The following RAPGEF4 variants were observed in gnomAD, a reference collection of about 807,000 sequenced individuals.
The protein encoded by RAPGEF4 is Rap guanine nucleotide exchange factor 4, also known as RAP guanine-nucleotide-exchange factor (GEF) 4.
A neutral mutation model predicts 147.9 loss-of-function variants in RAPGEF4; 66 were observed. The ratio of observed to expected loss-of-function variants is 0.45; its 90% CI spans 0.37 to 0.55. RAPGEF4 has a LOEUF of 0.55. Among genes scored for constraint, RAPGEF4 ranks in the 20% least tolerant of loss-of-function variants. The probability of loss-of-function intolerance (pLI) is 0.00; values close to 1 mark genes in which losing one functional copy is unlikely to be tolerated. For synonymous variants in RAPGEF4, 419 were observed against 442.7 expected (o/e 0.95, Z 0.67); for missense variants, 1,071 against 1,257.3 (o/e 0.85, Z 2.24).
intron 1 of RAPGEF4, among the ~76,000 whole-genome samples, chr2:172,764,084 C>A (rs1226200592): frequency 6.6e-6 from 1 of 151,850 alleles, no homozygotes; most frequent in African/African-American, 2.4e-5. Flanking sequence ...AGACTCTTGT[C>A]TCTACAAAAA....
intron 4 of RAPGEF4, chr2:172,889,920 G>A (rs1367821942): frequency 1.5e-6 from 1 of 674,580 alleles, no homozygotes; most frequent in East Asian, 1.4e-4. Flanking sequence ...TTATCTACCA[G>A]CGTCTGGGAA....
At chr2:172,847,533 G>T (rs79004963) in intron 4 of RAPGEF4, among the ~76,000 whole-genome samples, 15 of 152,144 alleles carry the variant, frequency 9.9e-5, no homozygotes, top group African/African-American at 3.6e-4. Flanking sequence ...GGGACAGGAC[G>T]CATCGTGTGT....
chr2:173,026,763 A>T, intron 24 of RAPGEF4, 66 bp downstream of exon 24: 1 of 1,575,520 alleles, frequency 6.3e-7, no homozygotes, highest in South Asian at 1.2e-5. Context: ...GGCATTGCTT[A>T]GTTTGTAAGT....
intron 10 of RAPGEF4, among the ~76,000 whole-genome samples, chr2:172,977,391 G>C (rs768336327): frequency 5.9e-5 from 9 of 152,172 alleles, no homozygotes; most frequent in Non-Finnish European, 8.8e-5. Flanking sequence ...CAGTGATTGT[G>C]GTGGGGAACG....
At chr2:172,851,078 T>G (rs1692766368) in intron 4 of RAPGEF4, among the ~76,000 whole-genome samples, 1 of 152,222 alleles carries the variant, frequency 6.6e-6, no homozygotes, top group Non-Finnish European at 1.5e-5. Flanking sequence ...TACGAGTGTT[T>G]AGCACTATAA....
chr2:172,954,918 G>A (rs1688578471), intron 6 of RAPGEF4, among the ~76,000 whole-genome samples: 1 of 152,146 alleles, frequency 6.6e-6, no homozygotes, highest in South Asian at 2.1e-4. Flanking sequence ...AAGACCAAGA[G>A]CCCATTTTGG....
intron 4 of RAPGEF4, among the ~76,000 whole-genome samples, chr2:172,831,480 G>A (rs1690349944): frequency 6.6e-6 from 1 of 151,580 alleles, no homozygotes; most frequent in Admixed American, 6.6e-5. Flanking sequence ...TGTTGGCCAG[G>A]TTGGTCTCGA....
intron 4 of RAPGEF4, among the ~76,000 whole-genome samples, chr2:172,847,459 T>C (rs976077437): frequency 6.6e-6 from 1 of 152,200 alleles, no homozygotes; most frequent in Non-Finnish European, 1.5e-5. Context: ...TGGCTCATGC[T>C]CTCAGCCTCC....
At chr2:172,756,710 G>T (rs1281731370) in intron 1 of RAPGEF4, among the ~76,000 whole-genome samples, 1 of 152,110 alleles carries the variant, frequency 6.6e-6, no homozygotes, top group South Asian at 2.1e-4. Context: ...ATTTGTTCAG[G>T]ACCTTGCAGT....
intron 10 of RAPGEF4, 38 bp downstream of exon 10, chr2:172,967,482 A>G: frequency 6.3e-7 from 1 of 1,587,112 alleles, no homozygotes; most frequent in Non-Finnish European, 8.6e-7. Context: ...CCAGGTCCCA[A>G]GGCCGCCTAG....
intron 4 of RAPGEF4, among the ~76,000 whole-genome samples, chr2:172,888,359 G>A (rs919412557): frequency 1.3e-5 from 2 of 152,222 alleles, no homozygotes; most frequent in Admixed American, 1.3e-4. Flanking sequence ...ATCTCAGTCT[G>A]TTGTCCTTTC....
chr2:172,795,248 A>G, intron 2 of RAPGEF4, 81 bp downstream of exon 2: 3 of 1,396,546 alleles, frequency 2.1e-6, no homozygotes, highest in Admixed American at 1.8e-5. Flanking sequence ...TAAATAGCAA[A>G]TGGAGTATTT....
At chr2:172,838,985 G>A (rs1337502157) in intron 4 of RAPGEF4, among the ~76,000 whole-genome samples, 1 of 152,188 alleles carries the variant, frequency 6.6e-6, no homozygotes, top group Non-Finnish European at 1.5e-5. Context: ...TGCATCCTTT[G>A]ATCCCCATCA....
At position 173,051,845 on chromosome 2, in the gene RAPGEF4, G is replaced by C; in HGVS notation, c.*78G>C. 2 of 1,518,454 alleles carry C rather than the reference G, an allele frequency of 1.3e-6. No individual in the cohort carries two copies. Among genetic ancestry groups the C allele is most frequent in the East Asian group, 2.3e-5 (1 of 43,846 alleles). 94.1% of individuals were successfully genotyped at this position (1,518,454 alleles called of 1,614,324 possible). ...AATGCCATTTATGCTACTACTGACT[G>C]TATTGCCACTAGAGAATTCTACAAA... On this transcript the variant is annotated 3_prime_UTR_variant, in exon 31 of 31. Coordinates refer to ENST00000397081, the MANE Select transcript of RAPGEF4 (RefSeq NM_007023.4).
At chr2:172,800,359 G>C (rs1686846001) in intron 3 of RAPGEF4, among the ~76,000 whole-genome samples, 1 of 152,210 alleles carries the variant, frequency 6.6e-6, no homozygotes, top group Non-Finnish European at 1.5e-5. Flanking sequence ...AAGCTAAGGA[G>C]AATGACCAAG....
chr2:172,811,066 C>A (rs766146560), intron 3 of RAPGEF4, among the ~76,000 whole-genome samples: 1 of 152,228 alleles, frequency 6.6e-6, no homozygotes, highest in South Asian at 2.1e-4. Flanking sequence ...CTTCAGGGGG[C>A]CTGCTAAGAA....
At chr2:172,988,910 G>T in intron 14 of RAPGEF4, 71 bp downstream of exon 14, 1 of 1,509,808 alleles carries the variant, frequency 6.6e-7, no homozygotes, top group Non-Finnish European at 9.1e-7. Context: ...AAAGCTTTGA[G>T]CATAGTCTTA....
chr2:172,862,379 A>G (rs1480662511), intron 4 of RAPGEF4, among the ~76,000 whole-genome samples: 8 of 152,146 alleles, frequency 5.3e-5, no homozygotes, highest in Non-Finnish European at 7.3e-5. Context: ...AAATAGTACA[A>G]TTAGTGGCAA....
chr2:172,823,166 G>A (rs1323082175), intron 4 of RAPGEF4, among the ~76,000 whole-genome samples: 1 of 152,234 alleles, frequency 6.6e-6, no homozygotes. Context: ...GAATTCTTAT[G>A]TGGGTAGCAA....
Sources: allele counts gnomAD v4.1 joint callset (sites outside exome capture counted in the v4.1 genomes callset), GRCh38; gene constraint gnomAD v4.1.1; transcripts MANE v1.5; gene names NCBI Gene and HGNC (gene_info 2026-07-23, HGNC 2026-07-21).